CLEC1B: variants seen among roughly 807,000 people sequenced by gnomAD.
CLEC1B encodes C-type lectin domain family 1 member B.
Under a neutral mutation model 26.7 loss-of-function variants are expected in CLEC1B, and 26 were observed. That is an observed-to-expected ratio of 0.97 (90% CI 0.71 to 1.35). CLEC1B has a LOEUF of 1.35. Among genes scored for constraint, CLEC1B ranks in the 40% most tolerant of loss-of-function variants. The pLI is 0.00. For synonymous variants in CLEC1B, 112 were observed against 96.0 expected (o/e 1.17, Z -0.97); for missense variants, 293 against 282.6 (o/e 1.04, Z -0.26).
At chr12:9,996,768 A>T in intron 4 of CLEC1B, 78 bp downstream of exon 4, 3 of 1,511,572 alleles carry the variant, frequency 2.0e-6, no homozygotes, top group Non-Finnish European at 2.7e-6. Context: ...AAAATGTAAA[A>T]AACAAAAAAA....
chr12:9,994,097 T>A (rs1270919422), intron 5 of CLEC1B, among the ~76,000 whole-genome samples: 1 of 152,052 alleles, frequency 6.6e-6, no homozygotes, highest in Admixed American at 6.6e-5. Flanking sequence ...GGGAGGCTAA[T>A]TTAGTTTGGG....
chr12:9,997,735 GA>G (rs1264798496), intron 2 of CLEC1B, among the ~76,000 whole-genome samples: 1 of 152,130 alleles, frequency 6.6e-6, no homozygotes, highest in Non-Finnish European at 1.5e-5. Flanking sequence ...ATAAATGTTA[GA>G]TTCTAACATC....
At chr12:10,001,534 C>T (rs1865158927), upstream of CLEC1B, among the ~76,000 whole-genome samples, 1 of 152,170 alleles carries the variant, frequency 6.6e-6, no homozygotes, top group African/African-American at 2.4e-5. Context: ...CCTCACATGA[C>T]TTTGTGGTGT....
chr12:9,995,117 A>G (rs183237577), intron 5 of CLEC1B, 23 bp downstream of exon 5: 347 of 1,609,760 alleles, frequency 2.2e-4, no homozygotes, highest in Admixed American at 1.3e-3. Context: ...ACTCCCTCCT[A>G]TTCTAAGTGT....
chr12:9,994,874 C>G, intron 5 of CLEC1B: 1 of 692,958 alleles, frequency 1.4e-6, no homozygotes, highest in Non-Finnish European at 2.2e-6. Context: ...TACATGCACA[C>G]AGTGTTCCAT....
upstream of CLEC1B, among the ~76,000 whole-genome samples, chr12:10,000,034 AT>A (rs1160226242): frequency 1.3e-5 from 2 of 152,228 alleles, no homozygotes; most frequent in African/African-American, 4.8e-5. Flanking sequence ...TAGCTGATGC[AT>A]TTATTATAGG....
chr12:10,000,530 A>C (rs935021074), upstream of CLEC1B, among the ~76,000 whole-genome samples: 9 of 152,240 alleles, frequency 5.9e-5, no homozygotes, highest in Non-Finnish European at 1.3e-4. Flanking sequence ...TAAATGCCAA[A>C]TTTTAAGAAA....
upstream of CLEC1B, among the ~76,000 whole-genome samples, chr12:10,001,472 T>C (rs532202838): frequency 6.6e-6 from 1 of 152,350 alleles, no homozygotes; most frequent in South Asian, 2.1e-4. Flanking sequence ...CTGAGAGTCT[T>C]ATATCTTATC....
At chr12:9,999,385 A>G (rs1410246624), upstream of CLEC1B, 1 of 262,046 alleles carries the variant, frequency 3.8e-6, no homozygotes, top group African/African-American at 2.2e-5. Flanking sequence ...TTTTATCTTC[A>G]ACACTAAATA....
rs1865011046 is a variant in CLEC1B at position 9,995,227 on chromosome 12, G to C, written c.458C>G (p.Thr153Ser). Residue 153 changes from threonine (T) to serine (S), a missense_variant, in exon 5 of 6, where the codon ACT becomes AGT. By Grantham distance (58) the Thr-to-Ser change is moderately conservative (BLOSUM62 1). Coordinates refer to ENST00000298527, the MANE Select transcript of CLEC1B (RefSeq NM_016509.4). Reference sequence around the variant, plus strand: ...TAATCCGACCCAACGAATTAAATGAGTCCTGGCTTTGATGTACTCCTATTG... The same window carrying C: ...TAATCCGACCCAACGAATTAAATGACTCCTGGCTTTGATGTACTCCTATTG... ...RNIVEYIKAR[T>S]HLIRWVGLSR... 6.2e-7 allele frequency: 1 copy of C among 1,612,802 alleles called. No homozygotes were observed. The highest frequency in any genetic ancestry group is 8.5e-7 in the Non-Finnish European group (1 of 1,178,998).
chr12:9,997,027 G>C, intron 3 of CLEC1B, 27 bp from the exon 4 acceptor site: 1 of 1,612,382 alleles, frequency 6.2e-7, no homozygotes, highest in Non-Finnish European at 8.5e-7. Flanking sequence ...CAGGAATGGT[G>C]TATTTTTTCT....
chr12:10,000,515 T>C (rs1865146176), upstream of CLEC1B, among the ~76,000 whole-genome samples: 1 of 152,212 alleles, frequency 6.6e-6, no homozygotes, highest in African/African-American at 2.4e-5. Context: ...AAAACACATT[T>C]GAAATAAATG....
At chr12:10,001,294 T>C (rs1865156285), upstream of CLEC1B, among the ~76,000 whole-genome samples, 1 of 152,212 alleles carries the variant, frequency 6.6e-6, no homozygotes, top group Admixed American at 6.5e-5. Flanking sequence ...TAGTTCTTGA[T>C]CCTTTAATGC....
chr12:9,999,486 G>A (rs1865129555), upstream of CLEC1B, among the ~76,000 whole-genome samples: 1 of 152,100 alleles, frequency 6.6e-6, no homozygotes, highest in African/African-American at 2.4e-5. Flanking sequence ...TTGCTCAAAT[G>A]AGAGATTTCT....
At chr12:9,998,802 C>T (rs1370547602) in intron 1 of CLEC1B, among the ~76,000 whole-genome samples, 2 of 152,072 alleles carry the variant, frequency 1.3e-5, no homozygotes, top group Admixed American at 6.5e-5. Flanking sequence ...TCTATGCCCT[C>T]GAGTATTAAA....
At chr12:9,995,716 GA>G in intron 4 of CLEC1B, 1 of 208,834 alleles carries the variant, frequency 4.8e-6, no homozygotes, top group South Asian at 6.9e-5. Flanking sequence ...TAGTTAATTG[GA>G]TAAAGGCATT....
rs377278554 is a variant in CLEC1B, at chr12:9,995,163, A to G, written c.522T>C (p.Asp174=). ...QKSNEVWKWE[D]GSVISENMFE... is the part of the protein sequence containing the mutation. ...ACATATTTTCTGAGATAACCGAGCC[A>G]TCCTCCCACTTCCAGACCTCATTCG... The change falls in exon 5 of 6, where the codon GAT becomes GAC. Residue 174 remains aspartate, a synonymous_variant. Coordinates refer to ENST00000298527, the MANE Select transcript of CLEC1B (RefSeq NM_016509.4). 13 of 1,612,928 alleles carry G rather than the reference A, an allele frequency of 8.1e-6. No individual in the cohort carries two copies. The highest frequency in any genetic ancestry group is 2.2e-5 in the East Asian group (1 of 44,880).
upstream of CLEC1B, chr12:9,999,221 T>A: frequency 1.6e-6 from 1 of 611,594 alleles, no homozygotes; most frequent in Admixed American, 2.7e-5. Flanking sequence ...GGTAGAACCA[T>A]GTGAGATGGG....
Position 9,995,125 on chromosome 12 carries a change from T to C in CLEC1B, c.545+15A>G, listed in dbSNP as rs1865007210. The C allele has an allele frequency of 6.2e-7, 1 of 1,610,528 alleles. No individual in the cohort carries two copies. The highest frequency in any genetic ancestry group is 8.5e-7 in the Non-Finnish European group (1 of 1,177,154). On this transcript the variant is annotated intron_variant, in intron 5 of 5. Coordinates refer to ENST00000298527, the MANE Select transcript of CLEC1B (RefSeq NM_016509.4). ...TTCCAGTACTCCCTCCTATTCTAAGTGTCCAGTGACTTACATATTTTCTGA... is the reference window on the plus strand; with the variant it reads ...TTCCAGTACTCCCTCCTATTCTAAGCGTCCAGTGACTTACATATTTTCTGA...
Sources: allele counts gnomAD v4.1 joint callset (sites outside exome capture counted in the v4.1 genomes callset), GRCh38; gene constraint gnomAD v4.1.1; transcripts MANE v1.5; gene names NCBI Gene and HGNC (gene_info 2026-07-23, HGNC 2026-07-21).